The following PLEKHG1 variants were observed in gnomAD, a reference collection of about 807,000 sequenced individuals.
The protein encoded by PLEKHG1 is pleckstrin homology domain-containing family G member 1.
In PLEKHG1, 44 loss-of-function variants were observed where a neutral mutation model predicts 100.8. That is an observed-to-expected ratio of 0.44 (90% CI 0.34 to 0.56). The LOEUF is 0.56. Ranked by LOEUF, PLEKHG1 falls within the 20% of genes least tolerant of loss-of-function variation. The probability of loss-of-function intolerance (pLI) is 0.01; values close to 1 mark genes in which losing one functional copy is unlikely to be tolerated. For synonymous variants in PLEKHG1, 640 were observed against 662.5 expected, an observed-to-expected ratio of 0.97 and a Z score of 0.52; for missense variants, 1,545 against 1,720.9, an observed-to-expected ratio of 0.90 and a Z score of 1.81.
rs1019649686 is a variant in PLEKHG1 at position 150,658,400 on chromosome 6, C to A, written c.-99+7614C>A. Among the ~76,000 whole-genome samples the A allele has an allele frequency of 2.0e-5, 3 of 152,174 alleles. No homozygotes were observed. The East Asian group carries it at 5.8e-4, about 29-fold the overall frequency. ...CTTTGTCTTAAAAAAAAATGTGAGG[C>A]CTGGCTTCTTATAGTGTTGTAACTT... On this transcript the variant is annotated intron_variant, in intron 3 of 3. Transcript: ENST00000367326.
chr6:150,821,806 AAAAAG>A (rs879595202), intron 13 of PLEKHG1, among the ~76,000 whole-genome samples: 2 of 150,902 alleles, frequency 1.3e-5, no homozygotes, highest in African/African-American at 2.4e-5. Context: ...TCCATACATC[AAAAAG>A]AAAAGACAGA....
chr6:150,621,705 G>T (rs533371047), intron 1 of PLEKHG1, among the ~76,000 whole-genome samples: 8 of 152,110 alleles, frequency 5.3e-5, no homozygotes, highest in South Asian at 2.1e-4. Flanking sequence ...CTATAAGCCC[G>T]CAATTTGAAA....
At position 150,815,029 on chromosome 6, in the gene PLEKHG1, C is replaced by T. The variant is rs569314658; in HGVS notation, c.1279-3154C>T. On this transcript the variant is annotated intron_variant, in intron 10 of 15. Transcript: ENST00000358517. Reference sequence around the variant, plus strand: ...AAGCCACCACACCCAGCCTCAAACACGCTTGTCTAATATACTTTATTCACT... The same window carrying T: ...AAGCCACCACACCCAGCCTCAAACATGCTTGTCTAATATACTTTATTCACT... Among the ~76,000 whole-genome samples, 82 of 152,282 alleles carry T rather than the reference C, an allele frequency of 5.4e-4. 1 individual carries two copies. Among genetic ancestry groups the T allele is most frequent in the African/African-American group, 1.8e-3 (76 of 41,564 alleles).
intron 4 of PLEKHG1, among the ~76,000 whole-genome samples, chr6:150,789,678 A>C (rs1291662018): frequency 6.6e-6 from 1 of 152,224 alleles, no homozygotes; most frequent in Non-Finnish European, 1.5e-5. Flanking sequence ...CAAAATTGTA[A>C]GGAAAGTCAA....
At chr6:150,745,057 G>A (rs1291143341) in intron 2 of PLEKHG1, among the ~76,000 whole-genome samples, 1 of 152,224 alleles carries the variant, frequency 6.6e-6, no homozygotes, top group Non-Finnish European at 1.5e-5. Context: ...CTTAATGACA[G>A]CAATGTGTTC....
At chr6:150,646,390 A>T (rs1008301234) in intron 2 of PLEKHG1, among the ~76,000 whole-genome samples, 7 of 152,122 alleles carry the variant, frequency 4.6e-5, no homozygotes, top group Admixed American at 3.9e-4. Context: ...GGGATGAAAC[A>T]TGATGAATGG....
chr6:150,735,800 T>C (rs951628843), intron 2 of PLEKHG1, among the ~76,000 whole-genome samples: 2 of 152,212 alleles, frequency 1.3e-5, no homozygotes, highest in African/African-American at 4.8e-5. Flanking sequence ...AAACTCACCT[T>C]ATAGAGAGAA....
At chr6:150,809,869 A>C (rs969385269) in intron 10 of PLEKHG1, 135 bp downstream of exon 11, 7 of 580,274 alleles carry the variant, frequency 1.2e-5, no homozygotes, top group African/African-American at 7.8e-5. Flanking sequence ...ACTGTCTCAA[A>C]ATAAAAACAA....
chr6:150,741,235 C>T (rs1583037221), intron 2 of PLEKHG1, among the ~76,000 whole-genome samples: 1 of 152,042 alleles, frequency 6.6e-6, no homozygotes, highest in East Asian at 1.9e-4. Context: ...TCGGTGAGAG[C>T]AAAATGAGTT....
chr6:150,783,649 C>T (rs1359582650), intron 3 of PLEKHG1, among the ~76,000 whole-genome samples: 2 of 152,172 alleles, frequency 1.3e-5, no homozygotes, highest in Non-Finnish European at 2.9e-5. Context: ...GGATTATAGG[C>T]ATGAGCCACC....
At chr6:150,783,557 A>T (rs1243932631) in intron 3 of PLEKHG1, among the ~76,000 whole-genome samples, 1 of 151,942 alleles carries the variant, frequency 6.6e-6, no homozygotes, top group Admixed American at 6.6e-5. Context: ...TTTGGTAGAG[A>T]TGGGGTTTCA....
chr6:150,630,477 GA>G (rs973182702), intron 1 of PLEKHG1, among the ~76,000 whole-genome samples: 3 of 152,074 alleles, frequency 2.0e-5, no homozygotes, highest in Non-Finnish European at 2.9e-5. Context: ...GCATTGGAAA[GA>G]AAAAAGATAA....
At position 150,809,677 on chromosome 6, in the gene PLEKHG1, G is replaced by A; in HGVS notation, c.1221G>A (p.Trp407Ter). The change falls in exon 10 of 16, where the codon TGG becomes TGA. Residue 407 changes from tryptophan (W) to a stop codon, truncating the protein, a stop_gained. Transcript: ENST00000358517. LOFTEE classifies it high-confidence loss of function. ...AATCCCAGCAAGACAAACGCCTCTG[G>A]GTTCTGCACCTAAAGAGACTGATTC... The A allele has an allele frequency of 6.2e-7, 1 of 1,614,018 alleles. No homozygotes were observed. Among genetic ancestry groups the A allele is most frequent in the Non-Finnish European group, 8.5e-7 (1 of 1,179,998 alleles).
chr6:150,777,460 C>T (rs1188806299), intron 3 of PLEKHG1, among the ~76,000 whole-genome samples: 4 of 148,240 alleles, frequency 2.7e-5, no homozygotes, highest in African/African-American at 1.0e-4. Context: ...GCACATCAGC[C>T]ACACTGATGC....
At chr6:150,802,351 C>T (rs1047090977) in intron 6 of PLEKHG1, among the ~76,000 whole-genome samples, 6 of 152,286 alleles carry the variant, frequency 3.9e-5, no homozygotes, top group African/African-American at 1.4e-4. Context: ...TCTCAGGACA[C>T]ATCTCTGCTG....
intron 2 of PLEKHG1, among the ~76,000 whole-genome samples, chr6:150,648,783 A>G (rs1038322588): frequency 2.0e-5 from 3 of 152,172 alleles, no homozygotes; most frequent in African/African-American, 7.2e-5. Flanking sequence ...TTAGTTGTTT[A>G]GCCTTTATAT....
intron 1 of PLEKHG1, among the ~76,000 whole-genome samples, chr6:150,722,160 A>G (rs1781714183): frequency 1.3e-5 from 2 of 152,054 alleles, no homozygotes; most frequent in African/African-American, 4.8e-5. Flanking sequence ...TTAGGATCGT[A>G]TTATATGTTT....
intron 1 of PLEKHG1, among the ~76,000 whole-genome samples, chr6:150,616,425 C>T (rs1333468388): frequency 6.6e-6 from 1 of 152,154 alleles, no homozygotes; most frequent in Non-Finnish European, 1.5e-5. Context: ...GCAAGGATGC[C>T]TTTGGCCAGC....
At chr6:150,736,387 A>G (rs1052908342) in intron 2 of PLEKHG1, among the ~76,000 whole-genome samples, 2 of 152,262 alleles carry the variant, frequency 1.3e-5, no homozygotes, top group Non-Finnish European at 2.9e-5. Flanking sequence ...TGGAAACTAC[A>G]CTTGTCACTA....
Sources: gnomAD v4.1 joint callset for allele counts (sites outside exome capture counted in the v4.1 genomes callset) on GRCh38, gnomAD v4.1.1 for gene constraint, MANE v1.5 for transcripts, NCBI Gene and HGNC (gene_info 2026-07-23, HGNC 2026-07-21) for gene names.